DCDC2C: variants seen among roughly 807,000 people sequenced by gnomAD.
The protein encoded by DCDC2C is doublecortin domain containing 2C.
A neutral mutation model predicts 45.0 loss-of-function variants in DCDC2C; 44 were observed. That is an observed-to-expected ratio of 0.98 (90% CI 0.77 to 1.26). The LOEUF is 1.26. Ranked by LOEUF, DCDC2C falls within the 50% of genes most tolerant of loss-of-function variation. The probability of loss-of-function intolerance (pLI) is 0.00; values close to 1 mark genes in which losing one functional copy is unlikely to be tolerated. For synonymous variants in DCDC2C, 187 were observed against 178.8 expected (o/e 1.05, Z -0.37); for missense variants, 447 against 468.9 (o/e 0.95, Z 0.43).
At chr2:3,767,655 G>T in intron 6 of DCDC2C, 99 bp from the exon 7 acceptor site, 1 of 1,380,760 alleles carries the variant, frequency 7.2e-7, no homozygotes, top group South Asian at 1.4e-5. Flanking sequence ...CTGTTTCTCT[G>T]AGGAACTTGT....
At chr2:3,811,380 T>C (rs948386705) in intron 10 of DCDC2C, among the ~76,000 whole-genome samples, 18 of 152,190 alleles carry the variant, frequency 1.2e-4, no homozygotes, top group African/African-American at 4.3e-4. Context: ...GGCTGTCTGC[T>C]TGTGTATTGT....
intron 3 of DCDC2C, among the ~76,000 whole-genome samples, chr2:3,730,830 A>G (rs1668846347): frequency 2.6e-5 from 4 of 152,226 alleles, no homozygotes; most frequent in Non-Finnish European, 5.9e-5. Flanking sequence ...TTACTCATAT[A>G]GCCTCCAGTG....
In DCDC2C at chr2:3,747,743, G is replaced by C. The variant is rs140247232; in HGVS notation, c.546-5020G>C. Reference sequence around the variant, plus strand: ...CAACAAATATTTATTGAGAGCTTGAGGGGTTTCCATCTAAGCCCTGAGGGG... The same window carrying C: ...CAACAAATATTTATTGAGAGCTTGACGGGTTTCCATCTAAGCCCTGAGGGG... On this transcript the variant is annotated intron_variant, in intron 4 of 10. Coordinates refer to ENST00000399143, the MANE Select transcript of DCDC2C (RefSeq NM_001287444.2). 3.5e-4 allele frequency among the ~76,000 whole-genome samples: 54 copies of C among 152,340 alleles called. No individual in the cohort carries two copies. The East Asian group carries it at 9.6e-3, about 27-fold the overall frequency.
At chr2:3,797,376 C>T (rs13393747) in intron 10 of DCDC2C, among the ~76,000 whole-genome samples, 131 of 151,886 alleles carry the variant, frequency 8.6e-4, no homozygotes, top group Middle Eastern at 3.4e-3. Flanking sequence ...TCCTTCAGTT[C>T]TGCTCTGATT....
intron 10 of DCDC2C, among the ~76,000 whole-genome samples, chr2:3,797,366 T>G (rs1028073394): frequency 6.6e-6 from 1 of 152,010 alleles, no homozygotes; most frequent in African/African-American, 2.4e-5. Context: ...TGTCTCTATT[T>G]CCTTCAGTTC....
Position 3,703,799 on chromosome 2 carries a change from G to A in DCDC2C, c.48G>A (p.Lys16=). 2.4e-6 allele frequency: 3 copies of A among 1,246,470 alleles called. No individual in the cohort carries two copies. The highest frequency in any genetic ancestry group is 3.0e-6 in the Non-Finnish European group (3 of 992,488). 77.2% of individuals were successfully genotyped at this position (1,246,470 alleles called of 1,614,324 possible). A position where few individuals can be genotyped will look rare whatever the true frequency, so the allele number is the denominator to read the frequency against. Residue 16 remains lysine (K), a synonymous_variant, in exon 1 of 11, where the codon AAG becomes AAA. Coordinates refer to ENST00000399143, the MANE Select transcript of DCDC2C (RefSeq NM_001287444.2). The surrounding 1 kb of genome is among the most constrained non-coding windows in gnomAD (Gnocchi z 4.4). ...CGCCGGTGGACACCACGCCCGCCAA[G>A]ACCATCGTGGTGTACCGCAACGGGG... The part of the protein sequence containing the change: ...PSAPVDTTPA[K]TIVVYRNGDP...
chr2:3,735,657 C>T lies in DCDC2C; in HGVS notation c.417-6263C>T, dbSNP rs561589522. ...ACGGTCCAGGAATATGGTTCATTTT[C>T]CCAGGTGAAGGTGACAAGCCCGGGG... On this transcript the variant is annotated intron_variant, in intron 3 of 10. Coordinates refer to ENST00000399143, the MANE Select transcript of DCDC2C (RefSeq NM_001287444.2). Among the ~76,000 whole-genome samples the T allele has an allele frequency of 5.3e-5, 8 of 152,202 alleles. No individual in the cohort carries two copies. The South Asian group carries it at 1.7e-3, about 32-fold the overall frequency.
intron 10 of DCDC2C, among the ~76,000 whole-genome samples, chr2:3,789,533 G>A (rs977780809): frequency 1.3e-5 from 2 of 152,206 alleles, no homozygotes; most frequent in Non-Finnish European, 2.9e-5. Context: ...CCTTCAGGAA[G>A]CATACTATTA....
In DCDC2C at chr2:3,703,766, G is replaced by A. The variant is rs1366149418; in HGVS notation, c.15G>A (p.Gly5=). The A allele has an allele frequency of 3.2e-6, 4 of 1,233,640 alleles. No homozygotes were observed. The highest frequency in any genetic ancestry group is 8.0e-5 in the South Asian group (2 of 25,050). The allele number at this position is 1,233,640 out of a possible 1,614,324, so 76.4% of individuals were successfully genotyped here. ...GGGGCGCGGCTATGGGAACCCGCGGGCCCTCCGCGCCGGTGGACACCACGC... is the reference window on the plus strand; with the variant it reads ...GGGGCGCGGCTATGGGAACCCGCGGACCCTCCGCGCCGGTGGACACCACGC... The part of the protein sequence containing the change: MGTR[G]PSAPVDTTPA... The change falls in exon 1 of 11, where the codon GGG becomes GGA. Residue 5 remains glycine (G), a synonymous_variant. Coordinates refer to ENST00000399143, the MANE Select transcript of DCDC2C (RefSeq NM_001287444.2). The surrounding 1 kb of genome is among the most constrained non-coding windows in gnomAD (Gnocchi z 4.4).
intron 2 of DCDC2C, among the ~76,000 whole-genome samples, chr2:3,719,364 T>C (rs1429678797): frequency 1.3e-5 from 2 of 152,144 alleles, no homozygotes; most frequent in Non-Finnish European, 1.5e-5. Context: ...GGATTACAGG[T>C]GTGAGCCACC....
chr2:3,746,525 T>C (rs2148115952), intron 4 of DCDC2C, among the ~76,000 whole-genome samples: 1 of 152,352 alleles, frequency 6.6e-6, no homozygotes, highest in Middle Eastern at 3.4e-3. Context: ...GAAAAGGTGA[T>C]GAGCTATGCT....
chr2:3,731,752 T>G (rs1487321039), intron 3 of DCDC2C, among the ~76,000 whole-genome samples: 6 of 152,198 alleles, frequency 3.9e-5, no homozygotes, highest in Non-Finnish European at 8.8e-5. Context: ...GAGGATTCCC[T>G]GTGTCCCACA....
At chr2:3,739,405 C>T (rs1355151282) in intron 3 of DCDC2C, among the ~76,000 whole-genome samples, 1 of 152,184 alleles carries the variant, frequency 6.6e-6, no homozygotes, top group Non-Finnish European at 1.5e-5. Context: ...GCCTGCCACG[C>T]CCCCATCCTG....
intron 6 of DCDC2C, among the ~76,000 whole-genome samples, chr2:3,764,671 A>AAATGGACTAATACATAGCC (rs1486248146): frequency 1.3e-5 from 2 of 152,210 alleles, no homozygotes; most frequent in African/African-American, 4.8e-5. Flanking sequence ...AGCAGTATGA[A>AAATGGACTAATACATAGCC]AATGGACTAA....
chr2:3,724,987 G>A (rs932990828), intron 2 of DCDC2C, among the ~76,000 whole-genome samples: 1 of 152,136 alleles, frequency 6.6e-6, no homozygotes, highest in Non-Finnish European at 1.5e-5. Flanking sequence ...GTCTGGGTTG[G>A]GAAGGGAGAG....
intron 6 of DCDC2C, among the ~76,000 whole-genome samples, chr2:3,760,733 G>T (rs1669856760): frequency 6.6e-6 from 1 of 151,944 alleles, no homozygotes; most frequent in Non-Finnish European, 1.5e-5. Context: ...ATGCATGCGG[G>T]GCTTAAAACC....
At chr2:3,844,950 A>G (rs1159469874) in intron 10 of DCDC2C, among the ~76,000 whole-genome samples, 1 of 152,222 alleles carries the variant, frequency 6.6e-6, no homozygotes, top group Non-Finnish European at 1.5e-5. Context: ...ATTAAGGCAT[A>G]TTATAATAAT....
chr2:3,741,454 C>T (rs1012748736), intron 3 of DCDC2C, among the ~76,000 whole-genome samples: 19 of 152,258 alleles, frequency 1.2e-4, no homozygotes, highest in African/African-American at 4.1e-4. Context: ...TTTTATCAAG[C>T]TGCCCAGAAT....
chr2:3,817,473 G>C (rs146315469), intron 10 of DCDC2C, among the ~76,000 whole-genome samples: 1,642 of 152,248 alleles, frequency 0.011, 40 homozygotes, highest in African/African-American at 0.037. Flanking sequence ...AGTGGAGTGG[G>C]GCAGAAAATA....
Sources: allele counts gnomAD v4.1 joint callset (sites outside exome capture counted in the v4.1 genomes callset), GRCh38; gene constraint gnomAD v4.1.1; non-coding constraint Gnocchi (gnomAD v3.1); transcripts MANE v1.5; gene names NCBI Gene and HGNC (gene_info 2026-07-23, HGNC 2026-07-21).